The following RHOV variants were observed in gnomAD, a reference collection of about 807,000 sequenced individuals.
RHOV encodes the protein ras homolog family member V.
RHOV carries 6 observed loss-of-function variants against 20.2 expected under a neutral mutation model. The observed-to-expected ratio is 0.30, with a 90% CI of 0.16 to 0.59. The LOEUF is 0.59. RHOV is among the 20% of genes least tolerant of loss of function. The pLI, the probability that RHOV is intolerant of heterozygous loss-of-function variation, is 0.89. For synonymous variants in RHOV, 136 were observed against 142.3 expected, an observed-to-expected ratio of 0.96 and a Z score of 0.31; for missense variants, 275 against 319.4, an observed-to-expected ratio of 0.86 and a Z score of 1.06.
chr15:40,872,788 C>T lies in RHOV; in HGVS notation c.*270G>A, dbSNP rs1001097613. ...TCCCAAACTGCTCGGAGGTGACTGACCCTGTTAGGACCATCCCATGAAAAT... is the reference window on the plus strand; with the variant it reads ...TCCCAAACTGCTCGGAGGTGACTGATCCTGTTAGGACCATCCCATGAAAAT... On this transcript the variant is annotated 3_prime_UTR_variant, in exon 3 of 3. Coordinates refer to ENST00000220507, the MANE Select transcript of RHOV (RefSeq NM_133639.4). 2 of 414,154 alleles carry T rather than the reference C, an allele frequency of 4.8e-6. No homozygotes were observed. The highest frequency in any genetic ancestry group is 8.7e-6 in the Non-Finnish European group (2 of 230,554). The allele number at this position is 414,154 out of a possible 1,614,324, so 25.7% of individuals were successfully genotyped here.
At position 40,873,833 on chromosome 15, in the gene RHOV, G is replaced by C; in HGVS notation, c.209-91C>G. ...CGGGGCCTGCTCCAGTCTCCTCCCCGGGGTCCTCTGCGCCCTCCCGCCGAG... is the reference window on the plus strand; with the variant it reads ...CGGGGCCTGCTCCAGTCTCCTCCCCCGGGTCCTCTGCGCCCTCCCGCCGAG... On this transcript the variant is annotated intron_variant, in intron 1 of 2. Transcript: ENST00000220507. The C allele has an allele frequency of 1.9e-6, 3 of 1,539,118 alleles. 1 individual carries two copies. The highest frequency in any genetic ancestry group is 2.7e-6 in the Non-Finnish European group (3 of 1,124,448).
chr15:40,873,547 G>C, intron 2 of RHOV, 46 bp from the exon 3 acceptor site: 2 of 1,589,940 alleles, frequency 1.3e-6, no homozygotes, highest in Non-Finnish European at 1.7e-6. Flanking sequence ...CCCGACACAT[G>C]GAATCCATTT....
At position 40,874,196 on chromosome 15, in the gene RHOV, GT is replaced by G; in HGVS notation, c.-58del. The G allele has an allele frequency of 1.4e-6, 1 of 703,682 alleles. No individual in the cohort carries two copies. Among genetic ancestry groups the G allele is most frequent in the Non-Finnish European group, 2.1e-6 (1 of 485,030 alleles). The allele number at this position is 703,682 out of a possible 1,614,324, so 43.6% of individuals were successfully genotyped here. A position where few individuals can be genotyped will look rare whatever the true frequency, so the allele number is the denominator to read the frequency against. On this transcript the variant is annotated 5_prime_UTR_variant, in exon 1 of 3. Transcript: ENST00000220507. The stretch of plus-strand genomic sequence containing the variant: ...CCGGGTCTCGGCTTCGCTGCGCTCG[GT>G]GAAGCAGGTCCCGCTGGCTGCCTCT...
chr15:40,873,377 G>C lies in RHOV; in HGVS notation c.392C>G (p.Thr131Arg). The change falls in exon 3 of 3, where the codon ACG (threonine) becomes AGG (arginine). Residue 131 changes from threonine (T) to arginine (R), a missense_variant. By Grantham distance (71) the Thr-to-Arg change is moderately conservative (BLOSUM62 -1). Transcript: ENST00000220507. ...ITEKWLPEIR[T>R]HNPQAPVLLV... ...CAGCACAGGCGCCTGGGGGTTGTGC[G>C]TGCGGATCTCGGGCAGCCATTTCTC... is the stretch of plus-strand genomic sequence containing the variant. 6.2e-7 allele frequency: 1 copy of C among 1,613,310 alleles called. No individual in the cohort carries two copies. The highest frequency in any genetic ancestry group is 1.1e-5 in the South Asian group (1 of 91,064).
Position 40,873,124 on chromosome 15 carries a change from T to C in RHOV, c.645A>G (p.Lys215=). 6.2e-7 allele frequency: 1 copy of C among 1,614,246 alleles called. No homozygotes were observed. Among genetic ancestry groups the C allele is most frequent in the East Asian group, 2.2e-5 (1 of 44,888 alleles). Residue 215 remains lysine, a synonymous_variant, in exon 3 of 3, where the codon AAA becomes AAG. Transcript: ENST00000220507. ...GGGTGCGCACACCTTTGGCATTCAG[T>C]TTCTTCTCCAGCCGGGCTTTGTGCT... ...AIEHKARLEK[K]LNAKGVRTLS...
chr15:40,872,785 T>C lies in RHOV; in HGVS notation c.*273A>G. On this transcript the variant is annotated 3_prime_UTR_variant, in exon 3 of 3. Transcript: ENST00000220507. ...GGTTCCCAAACTGCTCGGAGGTGAC[T>C]GACCCTGTTAGGACCATCCCATGAA... 2.5e-6 allele frequency: 1 copy of C among 403,608 alleles called. No homozygotes were observed. The allele number at this position is 403,608 out of a possible 1,614,324, so 25.0% of individuals were successfully genotyped here.
chr15:40,873,404 G>A lies in RHOV; in HGVS notation c.365C>T (p.Thr122Ile). The part of the protein sequence containing the change: ...VVQPSSFQNI[T>I]EKWLPEIRTH... ...GCGGATCTCGGGCAGCCATTTCTCTGTGATGTTTTGAAAGGAGCTGGGCTG... is the reference window on the plus strand; with the variant it reads ...GCGGATCTCGGGCAGCCATTTCTCTATGATGTTTTGAAAGGAGCTGGGCTG... The change falls in exon 3 of 3, where the codon ACA becomes ATA. Residue 122 changes from threonine to isoleucine, a missense_variant. Coordinates refer to ENST00000220507, the MANE Select transcript of RHOV (RefSeq NM_133639.4). 6.2e-7 allele frequency: 1 copy of A among 1,613,100 alleles called. No individual in the cohort carries two copies. Among genetic ancestry groups the A allele is most frequent in the South Asian group, 1.1e-5 (1 of 91,024 alleles).
chr15:40,873,578 T>G (rs1430321181), intron 2 of RHOV, 77 bp from the exon 3 acceptor site: 3 of 1,585,408 alleles, frequency 1.9e-6, no homozygotes, highest in African/African-American at 1.3e-5. Context: ...GCTGGAAACC[T>G]GAGACTCCAA....
chr15:40,873,183 C>T lies in RHOV; in HGVS notation c.586G>A (p.Glu196Lys). 6.2e-7 allele frequency: 1 copy of T among 1,614,290 alleles called. No individual in the cohort carries two copies. The highest frequency in any genetic ancestry group is 1.3e-5 in the African/African-American group (1 of 75,082). The change falls in exon 3 of 3, where the codon GAA becomes AAA. Residue 196 changes from glutamate (E) to lysine (K), a missense_variant. Transcript: ENST00000220507. ...CSALTQKNLK[E>K]VFDSAILSAI... ...CTGAGAATAGCCGAGTCAAATACTTCCTTCAAGTTCTTCTGCGTCAAGGCT... is the reference window on the plus strand; with the variant it reads ...CTGAGAATAGCCGAGTCAAATACTTTCTTCAAGTTCTTCTGCGTCAAGGCT...
Position 40,873,744 on chromosome 15 carries a change from T to C in RHOV, c.209-2A>G, listed in dbSNP as rs1443836881. The C allele has an allele frequency of 6.8e-6, 11 of 1,613,256 alleles. No individual in the cohort carries two copies. Among genetic ancestry groups the C allele is most frequent in the Non-Finnish European group, 9.3e-6 (11 of 1,179,938 alleles). On this transcript the variant is annotated splice_acceptor_variant, in intron 1 of 2. Coordinates refer to ENST00000220507, the MANE Select transcript of RHOV (RefSeq NM_133639.4). LOFTEE classifies it high-confidence loss of function. ...GAGCTCCATCCACCAGGACTTGCAC[T>C]GCAGGGGCGGGGCGGGGAGAGCCTG...
Position 40,873,724 on chromosome 15 carries a change from C to T in RHOV, c.227G>A (p.Gly76Glu). ...DTFSVQVLVD[G>E]APVRIELWDT... ...CCAGAGCTCAATGCGCACCGGAGCT[C>T]CATCCACCAGGACTTGCACTGCAGG... The change falls in exon 2 of 3, where the codon GGA becomes GAA. Residue 76 changes from glycine to glutamate, a missense_variant. Physicochemically the swap from Gly to Glu is moderately conservative, Grantham distance 98. Transcript: ENST00000220507. 6.2e-7 allele frequency: 1 copy of T among 1,613,824 alleles called. No homozygotes were observed. The highest frequency in any genetic ancestry group is 8.5e-7 in the Non-Finnish European group (1 of 1,180,022).
rs1310182087 is a variant in RHOV, at chr15:40,872,303, G to A, written c.*755C>T. ...GAGGAAAGGGATGATCCCCAACCCG[G>A]TCCTCCTTCAGGTTCTAATTTGCAG... On this transcript the variant is annotated 3_prime_UTR_variant, in exon 3 of 3. Transcript: ENST00000220507. 3 of 152,550 alleles carry A rather than the reference G, an allele frequency of 2.0e-5. No homozygotes were observed. The highest frequency in any genetic ancestry group is 2.0e-4 in the Admixed American group (3 of 15,288). The allele number at this position is 152,550 out of a possible 1,614,324, so 9.4% of individuals were successfully genotyped here. A position where few individuals can be genotyped will look rare whatever the true frequency, so the allele number is the denominator to read the frequency against.
Position 40,873,350 on chromosome 15 carries a change from A to G in RHOV, c.419T>C (p.Leu140Pro). Residue 140 changes from leucine to proline, a missense_variant, in exon 3 of 3, where the codon CTG (leucine) becomes CCG (proline). Leu to Pro is a moderately conservative substitution (Grantham distance 98). Coordinates refer to ENST00000220507, the MANE Select transcript of RHOV (RefSeq NM_133639.4). The stretch of plus-strand genomic sequence containing the variant: ...CCTCAGGTCGGCCTGGGTGCCCACC[A>G]GCAGCACAGGCGCCTGGGGGTTGTG... ...RTHNPQAPVL[L>P]VGTQADLRDD... The G allele has an allele frequency of 3.1e-6, 5 of 1,613,224 alleles. No homozygotes were observed. The highest frequency in any genetic ancestry group is 4.2e-6 in the Non-Finnish European group (5 of 1,179,990).
At position 40,873,154 on chromosome 15, in the gene RHOV, G is replaced by C; in HGVS notation, c.615C>G (p.Ala205=). The C allele has an allele frequency of 6.2e-7, 1 of 1,614,204 alleles. No individual in the cohort carries two copies. The highest frequency in any genetic ancestry group is 8.5e-7 in the Non-Finnish European group (1 of 1,180,000). ...TCTCCAGCCGGGCTTTGTGCTCAAT[G>C]GCACTGAGAATAGCCGAGTCAAATA... ...KEVFDSAILS[A]IEHKARLEKK... is the part of the protein sequence containing the mutation. Residue 205 remains alanine, a synonymous_variant, in exon 3 of 3, where the codon GCC becomes GCG. Coordinates refer to ENST00000220507, the MANE Select transcript of RHOV (RefSeq NM_133639.4).
In RHOV at chr15:40,873,253, C is replaced by T; in HGVS notation, c.516G>A (p.Gln172=). The change falls in exon 3 of 3, where the codon CAG becomes CAA. Residue 172 remains glutamine, a synonymous_variant. Transcript: ENST00000220507. ...AGGCTCGGATCTTCTCGGCCAGACC[C>T]TGAGCCTGGGGTTGGGGCACGGGGC... The part of the protein sequence containing the change: ...REGPVPQPQA[Q]GLAEKIRACC... The T allele has an allele frequency of 1.2e-6, 2 of 1,614,222 alleles. No individual in the cohort carries two copies. Among genetic ancestry groups the T allele is most frequent in the Non-Finnish European group, 1.7e-6 (2 of 1,180,042 alleles).
chr15:40,873,623 G>T, intron 2 of RHOV, 61 bp downstream of exon 2: 1 of 1,593,828 alleles, frequency 6.3e-7, no homozygotes, highest in Non-Finnish European at 8.6e-7. Flanking sequence ...TCCATATGGG[G>T]TCCTCCCAGC....
rs777140656 is a variant in RHOV, at chr15:40,872,840, C to T, written c.*218G>A. On this transcript the variant is annotated 3_prime_UTR_variant, in exon 3 of 3. Coordinates refer to ENST00000220507, the MANE Select transcript of RHOV (RefSeq NM_133639.4). ...AAAGTGCCAGGTTTTTTTCTGTGAG[C>T]TTTGACTGGAGAAATCCAAATCAGA... The T allele has an allele frequency of 1.9e-6, 1 of 536,752 alleles. No homozygotes were observed. The highest frequency in any genetic ancestry group is 3.3e-6 in the Non-Finnish European group (1 of 303,968). The allele number at this position is 536,752 out of a possible 1,614,324, so 33.2% of individuals were successfully genotyped here.
At position 40,873,141 on chromosome 15, in the gene RHOV, C is replaced by A. The variant is rs1891909362; in HGVS notation, c.628G>T (p.Ala210Ser). ...GCATTCAGTTTCTTCTCCAGCCGGG[C>A]TTTGTGCTCAATGGCACTGAGAATA... Reference protein sequence around the residue: ...SAILSAIEHKARLEKKLNAKG... With the variant: ...SAILSAIEHKSRLEKKLNAKG... Residue 210 changes from alanine (A) to serine (S), a missense_variant, in exon 3 of 3, where the codon GCC becomes TCC. Physicochemically the swap from Ala to Ser is moderately conservative, Grantham distance 99. Transcript: ENST00000220507. The A allele has an allele frequency of 6.2e-7, 1 of 1,614,270 alleles. No individual in the cohort carries two copies. Among genetic ancestry groups the A allele is most frequent in the South Asian group, 1.1e-5 (1 of 91,092 alleles).
chr15:40,873,400 C>T lies in RHOV; in HGVS notation c.369G>A (p.Glu123=). The T allele has an allele frequency of 6.2e-7, 1 of 1,613,104 alleles. No homozygotes were observed. Among genetic ancestry groups the T allele is most frequent in the Non-Finnish European group, 8.5e-7 (1 of 1,179,924 alleles). Residue 123 remains glutamate, a synonymous_variant, in exon 3 of 3, where the codon GAG becomes GAA. Transcript: ENST00000220507. ...VQPSSFQNIT[E]KWLPEIRTHN... is the part of the protein sequence containing the mutation. ...GCGTGCGGATCTCGGGCAGCCATTT[C>T]TCTGTGATGTTTTGAAAGGAGCTGG...
Sources: gnomAD v4.1 joint callset for allele counts on GRCh38, gnomAD v4.1.1 for gene constraint, MANE v1.5 for transcripts, NCBI Gene and HGNC (gene_info 2026-07-23, HGNC 2026-07-21) for gene names.